Variants in VWA8 observed in about 807,000 individuals in gnomAD.
The protein encoded by VWA8 is von Willebrand factor A domain containing 8.
In VWA8, 221 loss-of-function variants were observed where a neutral mutation model predicts 241.5. The ratio of observed to expected loss-of-function variants is 0.91; its 90% CI spans 0.82 to 1.02. The LOEUF (loss-of-function observed/expected upper bound fraction) is 1.02. VWA8 is among the 50% of genes least tolerant of loss of function. The probability of loss-of-function intolerance (pLI) is 0.00; values close to 1 mark genes in which losing one functional copy is unlikely to be tolerated. For synonymous variants in VWA8, 852 were observed against 827.1 expected (o/e 1.03, Z -0.52); for missense variants, 2,322 against 2,328.7 (o/e 1.00, Z 0.06).
chr13:41,592,830 C>T (rs533875403), intron 40 of VWA8, among the ~76,000 whole-genome samples: 3 of 151,986 alleles, frequency 2.0e-5, no homozygotes, highest in Admixed American at 6.5e-5. Flanking sequence ...CTTAACCTGT[C>T]GGCATCTTTG....
intron 40 of VWA8, among the ~76,000 whole-genome samples, chr13:41,593,499 T>A (rs115273656): frequency 6.6e-6 from 1 of 152,202 alleles, no homozygotes; most frequent in Admixed American, 6.5e-5. Context: ...CTGATCTATC[T>A]GTGAATCAGA....
intron 37 of VWA8, among the ~76,000 whole-genome samples, chr13:41,617,120 T>G (rs1036230923): frequency 6.7e-6 from 1 of 150,268 alleles, no homozygotes; most frequent in Admixed American, 6.6e-5. Flanking sequence ...GAGATACTAT[T>G]TTTTTTTTTT....
chr13:41,615,536 T>C (rs900321650), intron 37 of VWA8, among the ~76,000 whole-genome samples: 1 of 152,220 alleles, frequency 6.6e-6, no homozygotes, highest in Non-Finnish European at 1.5e-5. Flanking sequence ...CTCTGAGAGA[T>C]GCCATTTTAC....
intron 9 of VWA8, among the ~76,000 whole-genome samples, chr13:41,875,059 C>T (rs1047034381): frequency 4.6e-5 from 7 of 152,090 alleles, no homozygotes; most frequent in East Asian, 1.9e-4. Context: ...ACACATGGGA[C>T]GGTCAATGGT....
intron 5 of VWA8, 94 bp from the exon 6 acceptor site, chr13:41,887,455 G>A (rs1874603341): frequency 7.5e-7 from 1 of 1,341,034 alleles, no homozygotes; most frequent in East Asian, 2.4e-5. Context: ...CTTGACTGTT[G>A]AGAAAACTGT....
Position 41,719,465 on chromosome 13 carries a change from T to C in VWA8, c.3116+126A>G, listed in dbSNP as rs1236728797. 6 of 1,536,280 alleles carry C rather than the reference T, an allele frequency of 3.9e-6. No individual in the cohort carries two copies. In the African/African-American group the frequency reaches 5.6e-5, roughly 14 times the overall value. ...GAAAAGCAGCCAGCAAACAGCAACA[T>C]ATACATGTATTTGAAAAGCTTACTC... On this transcript the variant is annotated intron_variant, in intron 26 of 44. Transcript: ENST00000379310.
chr13:41,603,741 C>A (rs1253160722), intron 40 of VWA8, among the ~76,000 whole-genome samples: 2 of 152,140 alleles, frequency 1.3e-5, no homozygotes, highest in Non-Finnish European at 1.5e-5. Flanking sequence ...CTGTCCTTCT[C>A]TGAACTCACT....
chr13:41,701,240 A>C, intron 28 of VWA8, 152 bp downstream of exon 28: 1 of 963,138 alleles, frequency 1.0e-6, no homozygotes, highest in Non-Finnish European at 1.4e-6. Context: ...TGTTAGAGGA[A>C]ATTAGTTCTA....
intron 2 of VWA8, among the ~76,000 whole-genome samples, chr13:41,949,005 G>A (rs1465031219): frequency 8.1e-5 from 3 of 36,908 alleles, no homozygotes; most frequent in African/African-American, 2.1e-4. Flanking sequence ...TATAGCTAAA[G>A]AACAAGCAAA....
intron 40 of VWA8, among the ~76,000 whole-genome samples, chr13:41,599,308 T>G (rs1425209583): frequency 6.6e-6 from 1 of 152,156 alleles, no homozygotes; most frequent in Non-Finnish European, 1.5e-5. Context: ...CTTATTGCAT[T>G]CAATTCCCTT....
chr13:41,591,021 C>T (rs2044450985), intron 40 of VWA8, among the ~76,000 whole-genome samples: 1 of 152,108 alleles, frequency 6.6e-6, no homozygotes, highest in African/African-American at 2.4e-5. Context: ...GGAGAGATGT[C>T]CAGTATCTGG....
intron 12 of VWA8, among the ~76,000 whole-genome samples, chr13:41,864,141 TAAA>T (rs1173896404): frequency 1.7e-5 from 2 of 114,298 alleles, no homozygotes; most frequent in Non-Finnish European, 3.6e-5. Context: ...ATGATGATTA[TAAA>T]AAAAAAAAAA....
chr13:41,741,367 A>G (rs1463474200), intron 21 of VWA8, among the ~76,000 whole-genome samples: 3 of 152,170 alleles, frequency 2.0e-5, no homozygotes, highest in Non-Finnish European at 4.4e-5. Context: ...CTTTCTGCAA[A>G]GTTTTCTCTT....
intron 2 of VWA8, among the ~76,000 whole-genome samples, chr13:41,935,932 G>A (rs895196089): frequency 1.3e-5 from 2 of 151,718 alleles, no homozygotes; most frequent in African/African-American, 2.4e-5. Flanking sequence ...TTTATTCAAC[G>A]GCTCCTCCAC....
At chr13:41,876,602 G>A (rs755198803) in intron 9 of VWA8, among the ~76,000 whole-genome samples, 10 of 151,936 alleles carry the variant, frequency 6.6e-5, no homozygotes, top group Non-Finnish European at 1.3e-4. Flanking sequence ...ACTGACAGTC[G>A]CCCTTCATTG....
intron 40 of VWA8, among the ~76,000 whole-genome samples, chr13:41,600,423 C>G (rs1054431867): frequency 6.6e-6 from 1 of 152,070 alleles, no homozygotes; most frequent in Non-Finnish European, 1.5e-5. Context: ...GTAACTGGCA[C>G]TTTGCTGCTC....
intron 37 of VWA8, among the ~76,000 whole-genome samples, chr13:41,665,514 G>A (rs1320752958): frequency 2.0e-5 from 3 of 151,726 alleles, no homozygotes; most frequent in South Asian, 2.1e-4. Context: ...CATTGTGATT[G>A]TAAGGTATAC....
intron 2 of VWA8, among the ~76,000 whole-genome samples, chr13:41,929,744 T>C (rs1231672586): frequency 6.6e-6 from 1 of 152,164 alleles, no homozygotes; most frequent in African/African-American, 2.4e-5. Flanking sequence ...ACCTATACCA[T>C]ATACAAAAAT....
chr13:41,728,420 A>C (rs1305951032), intron 23 of VWA8, among the ~76,000 whole-genome samples: 2 of 152,094 alleles, frequency 1.3e-5, no homozygotes, highest in African/African-American at 2.4e-5. Context: ...GCTCTTGTTC[A>C]AAATGTCAGC....
Sources: gnomAD v4.1 joint callset for allele counts (sites outside exome capture counted in the v4.1 genomes callset) on GRCh38, gnomAD v4.1.1 for gene constraint, MANE v1.5 for transcripts, NCBI Gene and HGNC (gene_info 2026-07-23, HGNC 2026-07-21) for gene names.